MAST4: variants seen among roughly 807,000 people sequenced by gnomAD.
The protein encoded by MAST4 is microtubule associated serine/threonine kinase family member 4, also known as microtubule-associated serine/threonine-protein kinase 4.
MAST4 carries 89 observed loss-of-function variants against 162.7 expected under a neutral mutation model. That is an observed-to-expected ratio of 0.55 (90% CI 0.46 to 0.65). MAST4 has a LOEUF of 0.65. Ranked by LOEUF, MAST4 falls within the 30% of genes least tolerant of loss-of-function variation. The probability of loss-of-function intolerance (pLI) is 0.00; values close to 1 mark genes in which losing one functional copy is unlikely to be tolerated. For missense variants in MAST4, 3,153 were observed against 3,374.0 expected, an observed-to-expected ratio of 0.93 and a Z score of 1.62; for synonymous variants, 1,479 against 1,361.1, an observed-to-expected ratio of 1.09 and a Z score of -1.91.
chr5:67,109,494 G>T (rs751444747), intron 10 of MAST4, among the ~76,000 whole-genome samples: 1 of 151,398 alleles, frequency 6.6e-6, no homozygotes, highest in Admixed American at 6.6e-5. Flanking sequence ...TCTAAAATTT[G>T]AAAAAAAATC....
intron 4 of MAST4, among the ~76,000 whole-genome samples, chr5:66,935,234 C>G (rs1050484201): frequency 5.3e-5 from 8 of 152,152 alleles, no homozygotes; most frequent in Admixed American, 4.6e-4. Flanking sequence ...GCAGAGAATA[C>G]AAGTAAAGGT....
chr5:66,865,571 AT>A (rs1488586970), intron 3 of MAST4, among the ~76,000 whole-genome samples: 1 of 152,232 alleles, frequency 6.6e-6, no homozygotes, highest in Non-Finnish European at 1.5e-5. Context: ...TATTAAGAAA[AT>A]ATCACATGTA....
intron 4 of MAST4, among the ~76,000 whole-genome samples, chr5:66,943,733 A>G (rs1402373572): frequency 6.7e-6 from 1 of 149,502 alleles, no homozygotes; most frequent in Non-Finnish European, 1.5e-5. Context: ...GTGCTGGGAA[A>G]TGTGTGTTCA....
chr5:66,755,147 C>T (rs903964902), intron 1 of MAST4, among the ~76,000 whole-genome samples: 1 of 152,034 alleles, frequency 6.6e-6, no homozygotes, highest in Admixed American at 6.6e-5. Context: ...AAGGGGATGG[C>T]AGGGACAAGG....
intron 4 of MAST4, among the ~76,000 whole-genome samples, chr5:66,923,361 A>C (rs74483240): frequency 0.019 from 2,910 of 152,232 alleles, 90 homozygotes; most frequent in African/African-American, 0.065. Context: ...ATATTGGGGA[A>C]TCTCACTCTC....
intron 3 of MAST4, among the ~76,000 whole-genome samples, chr5:66,805,783 C>G (rs1281455207): frequency 2.0e-5 from 3 of 152,136 alleles, no homozygotes; most frequent in Non-Finnish European, 4.4e-5. Context: ...GAAGCTGGAC[C>G]TGGGTGGTGG....
intron 1 of MAST4, among the ~76,000 whole-genome samples, chr5:66,612,927 T>A (rs564349247): frequency 7.1e-4 from 108 of 152,348 alleles, no homozygotes; most frequent in African/African-American, 2.2e-3. Context: ...TATAGGTAAT[T>A]TTGTATCTAA....
intron 3 of MAST4, among the ~76,000 whole-genome samples, chr5:66,886,139 T>A (rs1200142792): frequency 6.6e-6 from 1 of 152,234 alleles, no homozygotes; most frequent in African/African-American, 2.4e-5. Flanking sequence ...CCAGGCCATG[T>A]ACCTGAAGCT....
chr5:66,962,790 G>T (rs1217406273), intron 4 of MAST4, among the ~76,000 whole-genome samples: 2 of 152,132 alleles, frequency 1.3e-5, no homozygotes, highest in Admixed American at 1.3e-4. Flanking sequence ...TAGAGTTGGG[G>T]CAAGAATACC....
intron 5 of MAST4, among the ~76,000 whole-genome samples, chr5:67,089,631 T>C (rs902468670): frequency 6.6e-6 from 1 of 152,222 alleles, no homozygotes; most frequent in Non-Finnish European, 1.5e-5. Context: ...TCCCAGTGTT[T>C]TACAACTAGT....
At chr5:67,049,029 A>ATATATACAAG (rs1205659649) in intron 4 of MAST4, among the ~76,000 whole-genome samples, 1 of 115,410 alleles carries the variant, frequency 8.7e-6, no homozygotes, top group Non-Finnish European at 1.8e-5. Flanking sequence ...ATACGTATAT[A>ATATATACAAG]TATATATATA....
chr5:66,611,825 G>A (rs540390882), intron 1 of MAST4, among the ~76,000 whole-genome samples: 14 of 152,194 alleles, frequency 9.2e-5, no homozygotes, highest in Non-Finnish European at 1.3e-4. Context: ...ACATCTGAAG[G>A]TGTATATTTA....
At chr5:67,162,140 C>G (rs1021586791) in intron 27 of MAST4, among the ~76,000 whole-genome samples, 1 of 152,214 alleles carries the variant, frequency 6.6e-6, no homozygotes, top group East Asian at 1.9e-4. Flanking sequence ...GGAATAAGCA[C>G]AGCAAATAGC....
rs1483948791 is a variant in MAST4 at position 67,110,098 on chromosome 5, G to C, written c.1357G>C (p.Ala453Pro). The change falls in exon 11 of 29, where the codon GCT becomes CCT. Residue 453 changes from alanine (A) to proline (P), a missense_variant and splice_region_variant. This residue lies in a region of MAST4 where 360 missense variants were observed against 450.0 expected (regional missense o/e 0.80). Transcript: ENST00000403625. ...QHKLDKLLQE[A>P]HDRSESGELA... ...CACTCTCTTTATTGCTTTTTCATAG[G>C]CTCATGATCGTTCAGAAAGTGGAGA... The C allele has an allele frequency of 6.2e-7, 1 of 1,609,920 alleles. No individual in the cohort carries two copies. The highest frequency in any genetic ancestry group is 1.3e-5 in the African/African-American group (1 of 74,758).
intron 1 of MAST4, among the ~76,000 whole-genome samples, chr5:66,613,873 C>T (rs1469417193): frequency 6.6e-6 from 1 of 152,166 alleles, no homozygotes; most frequent in African/African-American, 2.4e-5. Flanking sequence ...TGTCAGTATT[C>T]TATAAGCATA....
rs148203859 is a variant in MAST4 at position 67,029,704 on chromosome 5, G to A, written c.675-24700G>A. Among the ~76,000 whole-genome samples, 13 of 152,208 alleles carry A rather than the reference G, an allele frequency of 8.5e-5. No homozygotes were observed. The South Asian group carries it at 2.3e-3, about 27-fold the overall frequency. ...TTTGCTACTTAGAAAACCTTTATTG[G>A]CAGCATGATTTCTGTGTCCATGAAG... On this transcript the variant is annotated intron_variant, in intron 4 of 28. Coordinates refer to ENST00000403625, the MANE Select transcript of MAST4 (RefSeq NM_001164664.2).
At position 67,126,851 on chromosome 5, in the gene MAST4, C is replaced by T. The variant is rs188134382; in HGVS notation, c.1746-3359C>T. 2.6e-5 allele frequency among the ~76,000 whole-genome samples: 4 copies of T among 152,234 alleles called. No homozygotes were observed. The East Asian group carries it at 5.8e-4, about 22-fold the overall frequency. On this transcript the variant is annotated intron_variant, in intron 14 of 28. Transcript: ENST00000403625. ...GCTTTGGGCAGTATGGCCATTTTCACGATATTGATTTTTCTATCCATGAGC... is the reference window on the plus strand; with the variant it reads ...GCTTTGGGCAGTATGGCCATTTTCATGATATTGATTTTTCTATCCATGAGC...
At chr5:67,153,619 A>G (rs1396422098) in intron 26 of MAST4, 39 bp downstream of exon 26, 2 of 1,534,060 alleles carry the variant, frequency 1.3e-6, no homozygotes, top group Non-Finnish European at 1.8e-6. Context: ...CTGATGAGAC[A>G]GGCAGCCCAA....
At chr5:66,717,436 T>A (rs1750913604) in intron 1 of MAST4, among the ~76,000 whole-genome samples, 1 of 152,232 alleles carries the variant, frequency 6.6e-6, no homozygotes, top group South Asian at 2.1e-4. Context: ...AAGGCCTCCT[T>A]TGGCACTTTT....
Sources: gnomAD v4.1 joint callset for allele counts (sites outside exome capture counted in the v4.1 genomes callset) on GRCh38, gnomAD v4.1.1 for gene constraint, gnomAD v4.1.1 regional missense constraint, MANE v1.5 for transcripts, NCBI Gene and HGNC (gene_info 2026-07-23, HGNC 2026-07-21) for gene names.